KCNMA1: variants seen among roughly 807,000 people sequenced by gnomAD.
The protein encoded by KCNMA1 is potassium calcium-activated channel subfamily M alpha 1, also known as Calcium-activated potassium channel subunit alpha-1.
Under a neutral mutation model 140.0 loss-of-function variants are expected in KCNMA1, and 29 were observed. The observed-to-expected ratio is 0.21, with a 90% CI of 0.15 to 0.28. The LOEUF (loss-of-function observed/expected upper bound fraction) is 0.28, where lower values mean the gene tolerates loss of function less well. KCNMA1 is among the 10% of genes least tolerant of loss of function. The pLI is 1.00. For missense variants in KCNMA1, 880 were observed against 1,602.2 expected (o/e 0.55, Z 7.70); for synonymous variants, 612 against 611.9 (o/e 1.00, Z 0.00).
intron 1 of KCNMA1, chr10:77,636,457 G>C: frequency 6.5e-7 from 1 of 1,536,206 alleles, no homozygotes; most frequent in Non-Finnish European, 8.7e-7. Flanking sequence ...GGCCTCAGGC[G>C]GACTCCCGCT....
At chr10:77,080,987 A>ACGC (rs2096550954) in intron 12 of KCNMA1, among the ~76,000 whole-genome samples, 1 of 152,182 alleles carries the variant, frequency 6.6e-6, no homozygotes, top group Non-Finnish European at 1.5e-5. Flanking sequence ...GGTTAAAAAT[A>ACGC]AGTGCCAAGG....
At chr10:77,078,705 G>A (rs1036312070) in intron 13 of KCNMA1, among the ~76,000 whole-genome samples, 5 of 152,142 alleles carry the variant, frequency 3.3e-5, no homozygotes, top group South Asian at 4.1e-4. Context: ...CTAAATCCCC[G>A]AGGACACAAA....
chr10:76,879,066 G>A (rs2033417332), intron 29 of KCNMA1, among the ~76,000 whole-genome samples: 1 of 152,138 alleles, frequency 6.6e-6, no homozygotes, highest in African/African-American at 2.4e-5. Context: ...GGACACATTA[G>A]TGAAAACTGC....
At chr10:77,231,873 T>C (rs1048248041) in intron 3 of KCNMA1, among the ~76,000 whole-genome samples, 12 of 152,200 alleles carry the variant, frequency 7.9e-5, no homozygotes, top group Admixed American at 5.2e-4. Context: ...TAAAATTCAA[T>C]GGGACAATCA....
intron 14 of KCNMA1, among the ~76,000 whole-genome samples, chr10:77,052,506 C>T (rs151082759): frequency 2.0e-5 from 3 of 152,022 alleles, no homozygotes; most frequent in African/African-American, 7.2e-5. Flanking sequence ...ACACACTATT[C>T]GTACCTGTCG....
chr10:77,516,396 C>T (rs1184460829), intron 1 of KCNMA1, among the ~76,000 whole-genome samples: 1 of 152,162 alleles, frequency 6.6e-6, no homozygotes, highest in South Asian at 2.1e-4. Flanking sequence ...CTTATGGCCA[C>T]CTGGCTTCTC....
chr10:76,903,822 C>T (rs1158965459), intron 25 of KCNMA1: 1 of 152,182 alleles, frequency 6.6e-6, no homozygotes, highest in East Asian at 1.9e-4. Flanking sequence ...TCCAGACGGT[C>T]ACACCCTCCA....
chr10:77,252,465 G>T (rs1348711105), intron 2 of KCNMA1, among the ~76,000 whole-genome samples: 1 of 151,926 alleles, frequency 6.6e-6, no homozygotes, highest in African/African-American at 2.4e-5. Context: ...CATCTCTCAG[G>T]CCTTGGCTGG....
At chr10:76,937,210 A>G (rs1451511586) in intron 23 of KCNMA1, among the ~76,000 whole-genome samples, 10 of 152,170 alleles carry the variant, frequency 6.6e-5, no homozygotes, top group Admixed American at 3.9e-4. Context: ...CTCCTTAATT[A>G]TTAACCATTG....
At chr10:77,522,657 G>A (rs2053897484) in intron 1 of KCNMA1, among the ~76,000 whole-genome samples, 1 of 152,184 alleles carries the variant, frequency 6.6e-6, no homozygotes, top group Admixed American at 6.5e-5. Flanking sequence ...CTAGCTCTGA[G>A]CCTGCTTCTG....
intron 1 of KCNMA1, chr10:77,634,687 A>C (rs2093563129): frequency 1.0e-6 from 1 of 984,348 alleles, no homozygotes; most frequent in Admixed American, 6.2e-5. Context: ...CTAGCACAAA[A>C]ATTATTATTC....
chr10:76,966,525 C>T (rs1414829084), intron 20 of KCNMA1, among the ~76,000 whole-genome samples: 1 of 152,032 alleles, frequency 6.6e-6, no homozygotes, highest in African/African-American at 2.4e-5. Flanking sequence ...TGGTAAGGCC[C>T]CCAAATTAAG....
At chr10:76,907,197 A>G (rs1412126333) in intron 25 of KCNMA1, among the ~76,000 whole-genome samples, 1 of 152,218 alleles carries the variant, frequency 6.6e-6, no homozygotes, top group Non-Finnish European at 1.5e-5. Context: ...ATACTATTGC[A>G]TCCAAACATG....
At chr10:77,417,508 C>T (rs1486465306) in intron 1 of KCNMA1, among the ~76,000 whole-genome samples, 1 of 152,180 alleles carries the variant, frequency 6.6e-6, no homozygotes, top group Non-Finnish European at 1.5e-5. Context: ...AACTGCTGTT[C>T]CTCAGGGCAG....
chr10:77,595,686 G>T (rs1418508670), intron 1 of KCNMA1, among the ~76,000 whole-genome samples: 5 of 151,940 alleles, frequency 3.3e-5, no homozygotes, highest in African/African-American at 1.2e-4. Flanking sequence ...TGTTTTTTGA[G>T]ATGGACTCTC....
chr10:76,928,123 ACTTTAT>A (rs1393733899), intron 23 of KCNMA1, among the ~76,000 whole-genome samples: 1 of 152,106 alleles, frequency 6.6e-6, no homozygotes, highest in Admixed American at 6.5e-5. Flanking sequence ...AAAATTGCAA[ACTTTAT>A]CTTTATTGCT....
chr10:77,404,057 G>A (rs756711409), intron 1 of KCNMA1, 34 bp from the exon 2 acceptor site: 7 of 1,609,174 alleles, frequency 4.4e-6, no homozygotes, highest in Non-Finnish European at 6.0e-6. Context: ...TAAGACATAG[G>A]GAACAATGGA....
intron 1 of KCNMA1, among the ~76,000 whole-genome samples, chr10:77,590,057 C>T (rs1015511136): frequency 3.9e-5 from 6 of 152,160 alleles, no homozygotes; most frequent in Admixed American, 1.3e-4. Flanking sequence ...ACAGAGTGTC[C>T]ACTGGTGCAT....
chr10:77,029,313 T>G (rs1259804688), intron 15 of KCNMA1, among the ~76,000 whole-genome samples: 1 of 152,208 alleles, frequency 6.6e-6, no homozygotes. Flanking sequence ...GTAAGGGGGA[T>G]AAGATACTGG....
Sources: allele counts gnomAD v4.1 joint callset (sites outside exome capture counted in the v4.1 genomes callset), GRCh38; gene constraint gnomAD v4.1.1; transcripts MANE v1.5; gene names NCBI Gene and HGNC (gene_info 2026-07-23, HGNC 2026-07-21).